Variants in ATXN1 observed in about 807,000 individuals in gnomAD.
ATXN1 encodes the protein ataxin-1.
In ATXN1, 8 loss-of-function variants were observed where a neutral mutation model predicts 56.4. That is an observed-to-expected ratio of 0.14 (90% CI 0.08 to 0.26). The LOEUF (loss-of-function observed/expected upper bound fraction) is 0.26, where lower values mean the gene tolerates loss of function less well. ATXN1 is among the 10% of genes least tolerant of loss of function. The pLI is 1.00. For synonymous variants in ATXN1, 514 were observed against 494.6 expected, an observed-to-expected ratio of 1.04 and a Z score of -0.52; for missense variants, 987 against 1,106.5, an observed-to-expected ratio of 0.89 and a Z score of 1.53.
chr6:16,478,161 C>T (rs1760365710), intron 6 of ATXN1, among the ~76,000 whole-genome samples: 1 of 152,190 alleles, frequency 6.6e-6, no homozygotes, highest in Non-Finnish European at 1.5e-5. Flanking sequence ...TCCCCTATAG[C>T]AAGTGACCGA....
intron 2 of ATXN1, among the ~76,000 whole-genome samples, chr6:16,741,555 CTT>C (rs977275617): frequency 1.3e-5 from 2 of 152,204 alleles, no homozygotes; most frequent in Non-Finnish European, 2.9e-5. Flanking sequence ...GAGACAGAAA[CTT>C]TGCGATTTCA....
At chr6:16,504,116 T>C (rs1330440390) in intron 5 of ATXN1, among the ~76,000 whole-genome samples, 1 of 152,172 alleles carries the variant, frequency 6.6e-6, no homozygotes, top group Non-Finnish European at 1.5e-5. Context: ...GCAAGAAATG[T>C]GGTAAATGTG....
intron 4 of ATXN1, among the ~76,000 whole-genome samples, chr6:16,538,353 C>G (rs1761645127): frequency 6.6e-6 from 1 of 152,122 alleles, no homozygotes; most frequent in African/African-American, 2.4e-5. Flanking sequence ...TAGGTGTTTG[C>G]TTTTATTGAC....
At chr6:16,581,651 C>A (rs551911498) in intron 4 of ATXN1, among the ~76,000 whole-genome samples, 1 of 152,106 alleles carries the variant, frequency 6.6e-6, no homozygotes, top group East Asian at 1.9e-4. Flanking sequence ...GATCTGGAAC[C>A]TAAAATCTGT....
intron 6 of ATXN1, among the ~76,000 whole-genome samples, chr6:16,441,240 A>G (rs930290798): frequency 6.6e-6 from 1 of 152,176 alleles, no homozygotes; most frequent in Non-Finnish European, 1.5e-5. Context: ...TAAATCGAAC[A>G]TGGCAGTAAT....
At chr6:16,468,461 T>C (rs936448210) in intron 6 of ATXN1, among the ~76,000 whole-genome samples, 2 of 152,186 alleles carry the variant, frequency 1.3e-5, no homozygotes, top group African/African-American at 4.8e-5. Context: ...AGTGCTGGGA[T>C]TACAGGCGTG....
intron 4 of ATXN1, among the ~76,000 whole-genome samples, chr6:16,570,115 T>C (rs1762305662): frequency 6.6e-6 from 1 of 152,210 alleles, no homozygotes; most frequent in African/African-American, 2.4e-5. Context: ...TGTACCATCA[T>C]CTCTTTGTTG....
intron 4 of ATXN1, among the ~76,000 whole-genome samples, chr6:16,527,992 G>A (rs1761426391): frequency 6.6e-6 from 1 of 152,052 alleles, no homozygotes; most frequent in Admixed American, 6.6e-5. Flanking sequence ...CTATACAATG[G>A]CTTTTTTACA....
At chr6:16,690,527 G>C (rs189115175) in intron 2 of ATXN1, among the ~76,000 whole-genome samples, 1 of 152,092 alleles carries the variant, frequency 6.6e-6, no homozygotes, top group Non-Finnish European at 1.5e-5. Flanking sequence ...AGTGTTAGAA[G>C]TCCCAACACA....
At chr6:16,617,147 T>C (rs1763229827) in intron 3 of ATXN1, among the ~76,000 whole-genome samples, 1 of 151,964 alleles carries the variant, frequency 6.6e-6, no homozygotes, top group Non-Finnish European at 1.5e-5. Flanking sequence ...AAAATAAAGA[T>C]TAAGTGCACA....
At chr6:16,331,476 C>T (rs1561855288) in intron 6 of ATXN1, among the ~76,000 whole-genome samples, 2 of 152,216 alleles carry the variant, frequency 1.3e-5, no homozygotes, top group Non-Finnish European at 2.9e-5. Flanking sequence ...TGCGTGAGAC[C>T]TACTCAGAGA....
chr6:16,535,247 A>T (rs945658726), intron 4 of ATXN1, among the ~76,000 whole-genome samples: 1 of 152,260 alleles, frequency 6.6e-6, no homozygotes, highest in African/African-American at 2.4e-5. Context: ...CCCAGCACCC[A>T]GAACTTAGTT....
intron 2 of ATXN1, among the ~76,000 whole-genome samples, chr6:16,712,279 T>C (rs1759540607): frequency 1.3e-5 from 2 of 151,808 alleles, no homozygotes; most frequent in Non-Finnish European, 2.9e-5. Flanking sequence ...AATAAACTAA[T>C]TTATTAGTGA....
intron 1 of ATXN1, among the ~76,000 whole-genome samples, chr6:16,754,250 A>G (rs1414045556): frequency 6.6e-6 from 1 of 152,224 alleles, no homozygotes; most frequent in Non-Finnish European, 1.5e-5. Flanking sequence ...TTACTATAAA[A>G]TCATCCCCAA....
intron 3 of ATXN1, among the ~76,000 whole-genome samples, chr6:16,633,377 A>G (rs951671328): frequency 5.9e-5 from 9 of 152,208 alleles, no homozygotes; most frequent in Admixed American, 2.0e-4. Flanking sequence ...TGTTTGTTTT[A>G]TCAGTTTTCT....
chr6:16,635,111 C>T (rs1374421072), intron 3 of ATXN1, among the ~76,000 whole-genome samples: 2 of 152,106 alleles, frequency 1.3e-5, no homozygotes, highest in African/African-American at 4.8e-5. Context: ...GTCAGGTCAG[C>T]AACGGCATGA....
At chr6:16,342,123 T>A (rs1307547456) in intron 6 of ATXN1, among the ~76,000 whole-genome samples, 1 of 151,846 alleles carries the variant, frequency 6.6e-6, no homozygotes, top group East Asian at 1.9e-4. Context: ...ACCTGAGCGA[T>A]CCACCTACCT....
intron 6 of ATXN1, among the ~76,000 whole-genome samples, chr6:16,479,618 G>C (rs530464993): frequency 6.6e-6 from 1 of 152,294 alleles, no homozygotes; most frequent in South Asian, 2.1e-4. Context: ...AATAGATTTT[G>C]TTTGGGTTCT....
intron 3 of ATXN1, among the ~76,000 whole-genome samples, chr6:16,655,829 T>C (rs1758187043): frequency 6.6e-6 from 1 of 151,736 alleles, no homozygotes; most frequent in Admixed American, 6.6e-5. Context: ...GTGGTTCACA[T>C]CTGTAATCCC....
Sources: allele counts gnomAD v4.1 joint callset (sites outside exome capture counted in the v4.1 genomes callset), GRCh38; gene constraint gnomAD v4.1.1; transcripts MANE v1.5; gene names NCBI Gene and HGNC (gene_info 2026-07-23, HGNC 2026-07-21).